COMMD5: variants seen among roughly 807,000 people sequenced by gnomAD.
COMMD5 encodes the protein COMM domain containing 5, also known as COMM domain-containing protein 5.
A neutral mutation model predicts 6.9 loss-of-function variants in COMMD5; 10 were observed. That is an observed-to-expected ratio of 1.44 (90% CI 0.89 to 2.45). COMMD5 has a LOEUF of 2.45. Among genes scored for constraint, COMMD5 ranks in the 30% most tolerant of loss-of-function variants. The pLI, the probability that COMMD5 is intolerant of heterozygous loss-of-function variation, is 0.00. For missense variants in COMMD5, 234 were observed against 287.8 expected (o/e 0.81, Z 1.35); for synonymous variants, 127 against 125.3 (o/e 1.01, Z -0.09).
At chr8:144,846,232 C>A, downstream of COMMD5, 5 of 1,496,524 alleles carry the variant, frequency 3.3e-6, no homozygotes, top group Admixed American at 4.1e-5. Flanking sequence ...CTAACAGCAA[C>A]CAGCCAAAAA....
At chr8:144,839,339 A>C (rs959361036), downstream of COMMD5, among the ~76,000 whole-genome samples, 1 of 152,234 alleles carries the variant, frequency 6.6e-6, no homozygotes, top group African/African-American at 2.4e-5. Flanking sequence ...GTGTGGGAAG[A>C]GTGGTCAGGA....
chr8:144,851,433 A>C, intron 1 of COMMD5, 38 bp from the exon 2 acceptor site: 22 of 1,396,868 alleles, frequency 1.6e-5, no homozygotes, highest in Non-Finnish European at 2.1e-5. Flanking sequence ...AGTGACTCTC[A>C]CATCCTTTGG....
chr8:144,840,561 G>A (rs967415716), downstream of COMMD5, among the ~76,000 whole-genome samples: 2 of 152,230 alleles, frequency 1.3e-5, no homozygotes, highest in African/African-American at 4.8e-5. Context: ...CAGACATCAA[G>A]GAGATGTCTG....
intron 1 of COMMD5, among the ~76,000 whole-genome samples, chr8:144,844,439 G>A (rs1262589015): frequency 6.6e-6 from 1 of 152,118 alleles, no homozygotes; most frequent in Admixed American, 6.5e-5. Flanking sequence ...GGCCGGGCGT[G>A]GTGGCTCACG....
At chr8:144,843,185 T>C in intron 1 of COMMD5, 7 of 1,539,462 alleles carry the variant, frequency 4.5e-6, no homozygotes, top group Non-Finnish European at 6.1e-6. Flanking sequence ...TACATATAAA[T>C]GTGTATATAT....
intron 1 of COMMD5, among the ~76,000 whole-genome samples, chr8:144,844,279 C>G (rs981855292): frequency 2.6e-5 from 4 of 152,224 alleles, no homozygotes; most frequent in South Asian, 2.1e-4. Context: ...ACCAACCCCC[C>G]CATCCATGCC....
downstream of COMMD5, among the ~76,000 whole-genome samples, chr8:144,845,223 C>T (rs537545353): frequency 5.8e-4 from 88 of 152,250 alleles, no homozygotes; most frequent in African/African-American, 2.0e-3. Context: ...TAGGAGGGGA[C>T]GGCAGGCAGA....
downstream of COMMD5, among the ~76,000 whole-genome samples, chr8:144,848,422 G>C (rs2954674): frequency 5.2e-3 from 791 of 152,024 alleles, 10 homozygotes; most frequent in African/African-American, 0.018. Flanking sequence ...GCTTGAACCT[G>C]GGAGGCAGAG....
chr8:144,852,370 T>G (rs1305693934), intron 1 of COMMD5: 1 of 152,250 alleles, frequency 6.6e-6, no homozygotes, highest in Non-Finnish European at 1.5e-5. Context: ...TAAAGAGGGT[T>G]CCGACGCACC....
At chr8:144,852,648 G>A (rs1395264223) in intron 1 of COMMD5, 191 bp downstream of exon 1, 1 of 152,328 alleles carries the variant, frequency 6.6e-6, no homozygotes, top group Non-Finnish European at 1.5e-5. Context: ...ACTCCAAAGA[G>A]CCATCCGGGA....
downstream of COMMD5, chr8:144,840,893 T>G (rs1829806743): frequency 6.4e-6 from 1 of 156,466 alleles, no homozygotes; most frequent in African/African-American, 2.4e-5. Context: ...AGTAAGTCCC[T>G]TGGCAGCTCT....
downstream of COMMD5, chr8:144,845,941 C>T (rs1448134830): frequency 6.5e-7 from 1 of 1,530,400 alleles, no homozygotes; most frequent in South Asian, 1.2e-5. Flanking sequence ...ACCTTCAGGT[C>T]TAGCACAGGG....
At chr8:144,853,158 C>G (rs1197758112), upstream of COMMD5, 1 of 152,186 alleles carries the variant, frequency 6.6e-6, no homozygotes. Context: ...CGCCCCCTCC[C>G]CGCCCGGGGG....
chr8:144,846,528 G>A (rs1735404), downstream of COMMD5: 73,764 of 209,754 alleles, frequency 0.35, 13,375 homozygotes, highest in South Asian at 0.44. Flanking sequence ...CTTGGAAAAT[G>A]ACTTCATGCC....
chr8:144,842,773 A>G, intron 1 of COMMD5: 1 of 1,614,222 alleles, frequency 6.2e-7, no homozygotes, highest in Non-Finnish European at 8.5e-7. Flanking sequence ...CTATAAATGT[A>G]ATGAATGTGG....
In COMMD5 at chr8:144,851,411, G is replaced by A. The variant is rs1236882753; in HGVS notation, c.-57-16C>T. 2.0e-6 allele frequency: 3 copies of A among 1,507,628 alleles called. No individual in the cohort carries two copies. Among genetic ancestry groups the A allele is most frequent in the East Asian group, 2.3e-5 (1 of 44,008 alleles). The allele number at this position is 1,507,628 out of a possible 1,614,324, so 93.4% of individuals were successfully genotyped here. On this transcript the variant is annotated splice_polypyrimidine_tract_variant and intron_variant, in intron 1 of 1. Transcript: ENST00000305103. ...ATGCAGATGCCTAGAGTGGGGTGGA[G>A]GAGAGAAGACCAGTGACTCTCACAT...
downstream of COMMD5, among the ~76,000 whole-genome samples, chr8:144,845,351 C>G (rs1025922585): frequency 2.0e-5 from 3 of 151,896 alleles, no homozygotes; most frequent in Non-Finnish European, 2.9e-5. Flanking sequence ...TGAGCCTGCT[C>G]TGTTGGGAGC....
chr8:144,848,498 C>CAA (rs59849814), downstream of COMMD5, among the ~76,000 whole-genome samples: 307 of 139,400 alleles, frequency 2.2e-3, no homozygotes, highest in Non-Finnish European at 3.6e-3. Flanking sequence ...ACTCCCGTCT[C>CAA]AAAAAAAAAA....
chr8:144,838,381 G>T (rs1230124111), downstream of COMMD5: 6 of 488,130 alleles, frequency 1.2e-5, no homozygotes, highest in Admixed American at 7.2e-5. Flanking sequence ...CCCTAACCAG[G>T]GCACCCACTG....
Sources: allele counts gnomAD v4.1 joint callset (sites outside exome capture counted in the v4.1 genomes callset), GRCh38; gene constraint gnomAD v4.1.1; transcripts MANE v1.5; gene names NCBI Gene and HGNC (gene_info 2026-07-23, HGNC 2026-07-21).